Variants in CNTNAP2 observed in about 807,000 individuals in gnomAD.
CNTNAP2 encodes contactin associated protein 2.
In CNTNAP2, 98 loss-of-function variants were observed where a neutral mutation model predicts 155.2. The ratio of observed to expected loss-of-function variants is 0.63; its 90% CI spans 0.54 to 0.75. The LOEUF (loss-of-function observed/expected upper bound fraction) is 0.75. CNTNAP2 is among the 30% of genes least tolerant of loss of function. CNTNAP2 has a pLI of 0.00. For synonymous variants in CNTNAP2, 651 were observed against 631.2 expected (o/e 1.03, Z -0.47); for missense variants, 1,727 against 1,688.1 (o/e 1.02, Z -0.40).
rs561791726 is a variant in CNTNAP2, at chr7:147,278,612, G to T, written c.1349-21529G>T. Among the ~76,000 whole-genome samples, 4 of 151,614 alleles carry T rather than the reference G, an allele frequency of 2.6e-5. No individual in the cohort carries two copies. In the East Asian group the frequency reaches 7.8e-4, roughly 29 times the overall value. On this transcript the variant is annotated intron_variant, in intron 8 of 23. Coordinates refer to ENST00000361727, the MANE Select transcript of CNTNAP2 (RefSeq NM_014141.6). The stretch of plus-strand genomic sequence containing the variant: ...CATTTAATTATTAAAATGAAAAATA[G>T]CACATTTTTAAAAGATTCACAGTAC...
chr7:146,144,503 A>G (rs890784637), intron 1 of CNTNAP2, among the ~76,000 whole-genome samples: 3 of 152,240 alleles, frequency 2.0e-5, no homozygotes, highest in African/African-American at 7.2e-5. Context: ...ACAACAACAA[A>G]AAATTTCATT....
At chr7:147,423,864 C>G (rs1476488703) in intron 10 of CNTNAP2, among the ~76,000 whole-genome samples, 1 of 152,200 alleles carries the variant, frequency 6.6e-6, no homozygotes, top group Non-Finnish European at 1.5e-5. Flanking sequence ...CACTTCCCTT[C>G]CACTTAGCTT....
intron 4 of CNTNAP2, among the ~76,000 whole-genome samples, chr7:147,052,779 A>G (rs75457507): frequency 0.065 from 9,830 of 152,126 alleles, 421 homozygotes; most frequent in Middle Eastern, 0.13. Flanking sequence ...AGATTTAATA[A>G]ATATCACTGC....
Position 146,640,291 on chromosome 7 carries a change from C to A in CNTNAP2, c.98-133980C>A, listed in dbSNP as rs10236933. 6.5e-3 allele frequency among the ~76,000 whole-genome samples: 989 copies of A among 152,166 alleles called. 8 individuals are homozygous for A. The highest frequency in any genetic ancestry group is 0.023 in the African/African-American group (945 of 41,488). On this transcript the variant is annotated intron_variant, in intron 1 of 23. Transcript: ENST00000361727. The stretch of plus-strand genomic sequence containing the variant: ...TGATGTGAATCCCAAAGGAAAGATA[C>A]GTTTCTTCTCTAATGTTCTCAAATG...
chr7:147,250,609 T>G (rs2116657866), intron 8 of CNTNAP2, among the ~76,000 whole-genome samples: 1 of 151,624 alleles, frequency 6.6e-6, no homozygotes, highest in Non-Finnish European at 1.5e-5. Context: ...AGTCCCTCTT[T>G]CGGGGGAGGG....
At chr7:147,335,779 C>G (rs889410734) in intron 9 of CNTNAP2, among the ~76,000 whole-genome samples, 1 of 152,116 alleles carries the variant, frequency 6.6e-6, no homozygotes, top group African/African-American at 2.4e-5. Context: ...GCATGGATTA[C>G]TGTACTCTTT....
At chr7:148,127,462 A>G (rs1243306621) in intron 16 of CNTNAP2, among the ~76,000 whole-genome samples, 1 of 152,340 alleles carries the variant, frequency 6.6e-6, no homozygotes. Context: ...TTAAGGTATC[A>G]GGATAACTTG....
intron 13 of CNTNAP2, among the ~76,000 whole-genome samples, chr7:147,863,769 A>G (rs972975506): frequency 1.9e-5 from 2 of 104,498 alleles, no homozygotes; most frequent in African/African-American, 3.6e-5. Context: ...CCGCTTTTTG[A>G]TGGGGTTGTT....
intron 1 of CNTNAP2, among the ~76,000 whole-genome samples, chr7:146,347,136 T>C (rs931859692): frequency 1.8e-5 from 2 of 109,696 alleles, no homozygotes; most frequent in African/African-American, 9.5e-5. Flanking sequence ...ATCCATACTC[T>C]GTAAAAAAAA....
intron 13 of CNTNAP2, among the ~76,000 whole-genome samples, chr7:147,870,907 C>T (rs1370355034): frequency 1.3e-5 from 2 of 151,972 alleles, no homozygotes; most frequent in East Asian, 3.9e-4. Context: ...TTCAGAGTCC[C>T]TCCTATCCCT....
intron 22 of CNTNAP2, among the ~76,000 whole-genome samples, chr7:148,401,742 G>A (rs1799588403): frequency 6.6e-6 from 1 of 152,040 alleles, no homozygotes; most frequent in Non-Finnish European, 1.5e-5. Flanking sequence ...AGGACTACAG[G>A]CACCCACCAC....
intron 15 of CNTNAP2, among the ~76,000 whole-genome samples, chr7:148,114,144 A>T (rs1205988581): frequency 6.6e-6 from 1 of 152,226 alleles, no homozygotes; most frequent in Non-Finnish European, 1.5e-5. Context: ...CCTTAAGGTT[A>T]TGATACCATC....
chr7:146,780,489 G>A (rs893492211), intron 2 of CNTNAP2, among the ~76,000 whole-genome samples: 11 of 151,844 alleles, frequency 7.2e-5, no homozygotes, highest in African/African-American at 2.2e-4. Flanking sequence ...GTGCCCGGCC[G>A]GTTTCCTGAC....
chr7:148,030,328 A>G (rs115955645), intron 15 of CNTNAP2, among the ~76,000 whole-genome samples: 1,750 of 152,320 alleles, frequency 0.011, 28 homozygotes, highest in African/African-American at 0.039. Context: ...TGGGGAAAGA[A>G]AGTTTTGGAA....
chr7:147,456,813 A>T (rs1797924776), intron 10 of CNTNAP2, among the ~76,000 whole-genome samples: 1 of 152,228 alleles, frequency 6.6e-6, no homozygotes, highest in Non-Finnish European at 1.5e-5. Flanking sequence ...ATTTAAAAGG[A>T]TCAACCATAT....
rs534777279 is a variant in CNTNAP2, at chr7:146,726,336, C to CA, written c.98-47933dup. Among the ~76,000 whole-genome samples, 205 of 152,042 alleles carry CA rather than the reference C, an allele frequency of 1.3e-3. 1 individual carries two copies. Among genetic ancestry groups the CA allele is most frequent in the Non-Finnish European group, 2.2e-3 (149 of 67,968 alleles). On this transcript the variant is annotated intron_variant, in intron 1 of 23. Transcript: ENST00000361727. ...AACAAATTTCACAGTCTAGAATTCC[C>CA]AATGCTTTGAGAAGTAAATAATGGG...
rs919587362 is a variant in CNTNAP2, at chr7:146,151,014, G to A, written c.97+34041G>A. Among the ~76,000 whole-genome samples the A allele has an allele frequency of 2.6e-5, 4 of 152,200 alleles. No homozygotes were observed. The South Asian group carries it at 6.2e-4, about 24-fold the overall frequency. On this transcript the variant is annotated intron_variant, in intron 1 of 23. Transcript: ENST00000361727. ...TGGCTGAAGGCGAAGAGGAAGCAAG[G>A]CACCTTCATCACAAGGTGGCAGGAA...
chr7:147,078,850 A>G lies in CNTNAP2; in HGVS notation c.551-29297A>G, dbSNP rs369249241. Among the ~76,000 whole-genome samples, 33 of 152,036 alleles carry G rather than the reference A, an allele frequency of 2.2e-4. 1 individual carries two copies. The South Asian group carries it at 6.9e-3, about 32-fold the overall frequency. ...CTGCAACTTCTGCCTCCCAGATTCAAGCAATTCTCCTACGTCAGTCTCCCG... is the reference window on the plus strand; with the variant it reads ...CTGCAACTTCTGCCTCCCAGATTCAGGCAATTCTCCTACGTCAGTCTCCCG... On this transcript the variant is annotated intron_variant, in intron 4 of 23. Transcript: ENST00000361727.
intron 1 of CNTNAP2, among the ~76,000 whole-genome samples, chr7:146,171,133 T>A (rs1584785391): frequency 6.6e-6 from 1 of 152,220 alleles, no homozygotes; most frequent in African/African-American, 2.4e-5. Context: ...TTTCATTATA[T>A]TCTGCTATAC....
Sources: gnomAD v4.1 joint callset for allele counts (sites outside exome capture counted in the v4.1 genomes callset) on GRCh38, gnomAD v4.1.1 for gene constraint, MANE v1.5 for transcripts, NCBI Gene and HGNC (gene_info 2026-07-23, HGNC 2026-07-21) for gene names.